Variants in COMMD1 observed in about 807,000 individuals in gnomAD.
The protein encoded by COMMD1 is COMM domain-containing protein 1.
In COMMD1, 10 loss-of-function variants were observed where a neutral mutation model predicts 17.2. That is an observed-to-expected ratio of 0.58 (90% CI 0.36 to 0.99). COMMD1 has a LOEUF of 0.99. Among genes scored for constraint, COMMD1 ranks in the 50% least tolerant of loss-of-function variants. The pLI is 0.01. For missense variants in COMMD1, 270 were observed against 231.8 expected (o/e 1.17, Z -1.07); for synonymous variants, 97 against 91.6 (o/e 1.06, Z -0.34).
At chr2:61,961,147 A>G (rs917243238) in intron 1 of COMMD1, among the ~76,000 whole-genome samples, 1 of 152,228 alleles carries the variant, frequency 6.6e-6, no homozygotes, top group African/African-American at 2.4e-5. Flanking sequence ...TAATGTGGGA[A>G]CAAATGATCT....
intron 1 of COMMD1, among the ~76,000 whole-genome samples, chr2:61,892,705 AAAAG>A (rs1669462016): frequency 6.6e-6 from 1 of 151,100 alleles, no homozygotes; most frequent in African/African-American, 2.5e-5. Context: ...AAAAAAAAAA[AAAAG>A]AAAAGAAAAG....
chr2:62,132,642 C>T (rs1327521387), intron 2 of COMMD1, among the ~76,000 whole-genome samples: 2 of 151,996 alleles, frequency 1.3e-5, no homozygotes, highest in South Asian at 2.1e-4. Context: ...GTCAGGAGTT[C>T]GAGACCAGCC....
intron 1 of COMMD1, among the ~76,000 whole-genome samples, chr2:61,921,644 C>T (rs1318505757): frequency 2.0e-5 from 3 of 152,144 alleles, no homozygotes; most frequent in African/African-American, 4.8e-5. Context: ...GGGGTTTCAC[C>T]GTGTTAGCCA....
chr2:62,014,191 G>T (rs1010953372), intron 2 of COMMD1, among the ~76,000 whole-genome samples: 33 of 152,168 alleles, frequency 2.2e-4, no homozygotes, highest in African/African-American at 7.5e-4. Flanking sequence ...CGCAGCCCCT[G>T]GTGTTGGACT....
chr2:62,104,225 G>T (rs1672261059), intron 2 of COMMD1, among the ~76,000 whole-genome samples: 1 of 152,182 alleles, frequency 6.6e-6, no homozygotes, highest in South Asian at 2.1e-4. Context: ...GGGCACAGTG[G>T]CTTACGCTTA....
intron 1 of COMMD1, among the ~76,000 whole-genome samples, chr2:61,985,055 T>A (rs1051593010): frequency 6.6e-6 from 1 of 150,626 alleles, no homozygotes; most frequent in African/African-American, 2.4e-5. Context: ...TTTTTTTTTT[T>A]TTTAATTTTT....
Position 61,911,480 on chromosome 2 carries a change from T to C in COMMD1, c.180+5622T>C, listed in dbSNP as rs116925286. ...AATGAGCAAAACTCTGTTATTTATT[T>C]ATTTATTTAGAGACAGGGACTCACT... On this transcript the variant is annotated intron_variant, in intron 1 of 2. Transcript: ENST00000311832. 4.3e-4 allele frequency among the ~76,000 whole-genome samples: 65 copies of C among 152,206 alleles called. 3 individuals are homozygous for C. The East Asian group carries it at 6.4e-3, about 15-fold the overall frequency.
At chr2:61,915,110 A>G (rs1183750892) in intron 1 of COMMD1, among the ~76,000 whole-genome samples, 1 of 151,084 alleles carries the variant, frequency 6.6e-6, no homozygotes, top group Non-Finnish European at 1.5e-5. Flanking sequence ...GGTTCAAGCA[A>G]TTCTCTTACT....
At chr2:62,108,581 G>A (rs1672377046) in intron 2 of COMMD1, among the ~76,000 whole-genome samples, 1 of 152,016 alleles carries the variant, frequency 6.6e-6, no homozygotes, top group Non-Finnish European at 1.5e-5. Context: ...GCCATCTATG[G>A]GCTAATAATA....
intron 1 of COMMD1, among the ~76,000 whole-genome samples, chr2:61,977,490 C>T (rs558470405): frequency 4.0e-5 from 6 of 151,344 alleles, no homozygotes; most frequent in Middle Eastern, 3.4e-3. Flanking sequence ...GTGATGTGCC[C>T]GCCTCGGCCT....
At chr2:62,079,414 T>G (rs990536889) in intron 2 of COMMD1, among the ~76,000 whole-genome samples, 3 of 152,228 alleles carry the variant, frequency 2.0e-5, no homozygotes, top group Non-Finnish European at 4.4e-5. Context: ...TAGGAATGCC[T>G]TTGCTCTCCA....
intron 1 of COMMD1, among the ~76,000 whole-genome samples, chr2:61,893,693 A>G (rs1466004079): frequency 6.6e-6 from 1 of 152,046 alleles, no homozygotes; most frequent in Non-Finnish European, 1.5e-5. Context: ...ACATGCCTAT[A>G]ATCTCAGCTA....
At chr2:62,028,831 AG>A (rs1369516905) in intron 2 of COMMD1, among the ~76,000 whole-genome samples, 1 of 152,158 alleles carries the variant, frequency 6.6e-6, no homozygotes, top group Non-Finnish European at 1.5e-5. Context: ...ACTTCATTTC[AG>A]TTATTTAAGT....
intron 2 of COMMD1, among the ~76,000 whole-genome samples, chr2:62,016,319 C>T (rs1302652402): frequency 1.1e-4 from 16 of 151,194 alleles, no homozygotes; most frequent in African/African-American, 3.4e-4. Flanking sequence ...AGTGTTCCTC[C>T]CACCTCAGCC....
intron 2 of COMMD1, among the ~76,000 whole-genome samples, chr2:62,063,215 CAAAAAT>C (rs945754544): frequency 2.6e-5 from 4 of 151,990 alleles, no homozygotes; most frequent in African/African-American, 4.8e-5. Flanking sequence ...GACTCCGTCT[CAAAAAT>C]AAAAATAAAA....
rs530391373 is a variant in COMMD1 at position 62,014,857 on chromosome 2, G to A, written c.462+13875G>A. On this transcript the variant is annotated intron_variant, in intron 2 of 2. Coordinates refer to ENST00000311832, the MANE Select transcript of COMMD1 (RefSeq NM_152516.4). ...TGGGATTACAGGTGTGAGCCACTGCGCCCGGCCATTTCAGCAGTTTTTAAG... is the reference window on the plus strand; with the variant it reads ...TGGGATTACAGGTGTGAGCCACTGCACCCGGCCATTTCAGCAGTTTTTAAG... Among the ~76,000 whole-genome samples, 338 of 151,978 alleles carry A rather than the reference G, an allele frequency of 2.2e-3. 3 individuals are homozygous for A. Among genetic ancestry groups the A allele is most frequent in the African/African-American group, 6.7e-3 (276 of 41,456 alleles).
chr2:62,071,787 T>C lies in COMMD1; in HGVS notation c.463-64044T>C, dbSNP rs1241705454. Among the ~76,000 whole-genome samples the C allele has an allele frequency of 1.3e-4, 20 of 152,184 alleles. 1 individual carries two copies. The highest frequency in any genetic ancestry group is 1.3e-3 in the Admixed American group (20 of 15,274). ...TGAAAAACTAAATTCCCAGCCATGA[T>C]AGGAAGGAAGGTTGAACACACCTCA... On this transcript the variant is annotated intron_variant, in intron 2 of 2. Transcript: ENST00000311832.
intron 1 of COMMD1, among the ~76,000 whole-genome samples, chr2:61,956,444 C>G (rs904171382): frequency 6.6e-6 from 1 of 151,466 alleles, no homozygotes; most frequent in African/African-American, 2.4e-5. Context: ...GAGTCTCGCT[C>G]TGTTGCCCAG....
intron 2 of COMMD1, among the ~76,000 whole-genome samples, chr2:62,024,392 T>A (rs1669697619): frequency 6.6e-6 from 1 of 152,140 alleles, no homozygotes; most frequent in South Asian, 2.1e-4. Context: ...ATTGTGTGTG[T>A]GTGTTAATTG....
Sources: allele counts gnomAD v4.1 joint callset (sites outside exome capture counted in the v4.1 genomes callset), GRCh38; gene constraint gnomAD v4.1.1; transcripts MANE v1.5; gene names NCBI Gene and HGNC (gene_info 2026-07-23, HGNC 2026-07-21).